The following SDK1 variants were observed in gnomAD, a reference collection of about 807,000 sequenced individuals.
SDK1 encodes sidekick cell adhesion molecule 1.
SDK1 carries 157 observed loss-of-function variants against 245.5 expected under a neutral mutation model. The ratio of observed to expected loss-of-function variants is 0.64; its 90% CI spans 0.56 to 0.73. SDK1 has a LOEUF of 0.73. Ranked by LOEUF, SDK1 falls within the 30% of genes least tolerant of loss-of-function variation. The pLI, the probability that SDK1 is intolerant of heterozygous loss-of-function variation, is 0.00. For synonymous variants in SDK1, 1,647 were observed against 1,278.5 expected (o/e 1.29, Z -6.15); for missense variants, 3,583 against 3,002.3 (o/e 1.19, Z -4.52).
chr7:3,975,654 G>A (rs978963611), intron 13 of SDK1, among the ~76,000 whole-genome samples: 1 of 152,240 alleles, frequency 6.6e-6, no homozygotes, highest in African/African-American at 2.4e-5. Context: ...CTTTCCTGTA[G>A]TCCCTATTTG....
intron 2 of SDK1, among the ~76,000 whole-genome samples, chr7:3,638,017 A>C (rs1010385409): frequency 6.6e-6 from 1 of 152,274 alleles, no homozygotes; most frequent in Admixed American, 6.5e-5. Context: ...GATGTTCTAC[A>C]GAGAGAGAAT....
intron 4 of SDK1, among the ~76,000 whole-genome samples, chr7:3,677,818 T>C (rs992413393): frequency 1.3e-5 from 2 of 152,018 alleles, no homozygotes; most frequent in Admixed American, 6.6e-5. Context: ...GTGGATGGAG[T>C]AGAGAACCCA....
rs559579456 is a variant in SDK1, at chr7:3,955,429, A to C, written c.1151-3502A>C. On this transcript the variant is annotated intron_variant, in intron 7 of 44. Coordinates refer to ENST00000404826, the MANE Select transcript of SDK1 (RefSeq NM_152744.4). ...TAAATTGGGCCCACCCAGCGAATCC[A>C]AGAGAGTCTCCCTATTTTAAGGTGG... Among the ~76,000 whole-genome samples the C allele has an allele frequency of 6.6e-5, 10 of 152,298 alleles. No individual in the cohort carries two copies. In the East Asian group the frequency reaches 1.9e-3, roughly 29 times the overall value.
At chr7:3,394,922 CTA>C (rs1781855009) in intron 1 of SDK1, among the ~76,000 whole-genome samples, 1 of 151,838 alleles carries the variant, frequency 6.6e-6, no homozygotes, top group Non-Finnish European at 1.5e-5. Flanking sequence ...TTGGGGTTTT[CTA>C]TATACAGGAT....
At chr7:3,684,336 C>T (rs922547469) in intron 4 of SDK1, among the ~76,000 whole-genome samples, 11 of 152,226 alleles carry the variant, frequency 7.2e-5, no homozygotes, top group African/African-American at 2.7e-4. Context: ...CAATGGGAGT[C>T]AGCCTCCCCT....
chr7:4,078,410 T>C (rs888543911), intron 21 of SDK1, among the ~76,000 whole-genome samples: 1 of 152,188 alleles, frequency 6.6e-6, no homozygotes, highest in Non-Finnish European at 1.5e-5. Context: ...TTAAACATTT[T>C]CTATTTCAAA....
chr7:4,232,856 A>T (rs631530), intron 40 of SDK1: 95,273 of 154,916 alleles, frequency 0.61, 30,302 homozygotes, highest in African/African-American at 0.74. Context: ...TGCCTCTAAC[A>T]TCCTCTCTAT....
chr7:3,565,296 A>G (rs1385341190), intron 1 of SDK1, among the ~76,000 whole-genome samples: 1 of 152,188 alleles, frequency 6.6e-6, no homozygotes, highest in Non-Finnish European at 1.5e-5. Flanking sequence ...CTACAAAGGA[A>G]TCTGGGAAAT....
chr7:3,828,003 C>T (rs1170171772), intron 5 of SDK1, among the ~76,000 whole-genome samples: 2 of 152,134 alleles, frequency 1.3e-5, no homozygotes, highest in African/African-American at 2.4e-5. Context: ...GACAACAGGG[C>T]GCATTGCCTC....
At chr7:3,761,535 C>T (rs1250719570) in intron 4 of SDK1, among the ~76,000 whole-genome samples, 2 of 142,630 alleles carry the variant, frequency 1.4e-5, no homozygotes, top group African/African-American at 5.3e-5. Flanking sequence ...GCCTGGGCGA[C>T]AGAGTGAGAC....
chr7:4,268,561 A>C lies in SDK1; in HGVS notation c.*3177A>C. The C allele has an allele frequency of 7.6e-7, 1 of 1,322,060 alleles. No homozygotes were observed. The highest frequency in any genetic ancestry group is 1.0e-6 in the Non-Finnish European group (1 of 997,292). 81.9% of individuals were successfully genotyped at this position (1,322,060 alleles called of 1,614,324 possible). On this transcript the variant is annotated 3_prime_UTR_variant, in exon 45 of 45. Transcript: ENST00000404826. ...CCTCCACAGCCCCGGGAGGTGGCTCACTCTGTACAGGTCTTCGGAGGCCGT... is the reference window on the plus strand; with the variant it reads ...CCTCCACAGCCCCGGGAGGTGGCTCCCTCTGTACAGGTCTTCGGAGGCCGT...
chr7:4,154,725 C>T (rs563120074), intron 30 of SDK1, among the ~76,000 whole-genome samples: 1 of 152,288 alleles, frequency 6.6e-6, no homozygotes, highest in South Asian at 2.1e-4. Flanking sequence ...TACAGCAAGG[C>T]TCTGAGACAC....
chr7:3,728,207 AT>A (rs1401817942), intron 4 of SDK1, among the ~76,000 whole-genome samples: 1 of 152,218 alleles, frequency 6.6e-6, no homozygotes, highest in Non-Finnish European at 1.5e-5. Flanking sequence ...GGTAGTACTT[AT>A]CAGCTATCTC....
chr7:3,684,520 C>G (rs539910844), intron 4 of SDK1, among the ~76,000 whole-genome samples: 1 of 152,236 alleles, frequency 6.6e-6, no homozygotes, highest in Non-Finnish European at 1.5e-5. Context: ...ATGGGTAAGC[C>G]CACTAAAAAG....
At chr7:3,379,338 G>A (rs1781430071) in intron 1 of SDK1, among the ~76,000 whole-genome samples, 1 of 152,144 alleles carries the variant, frequency 6.6e-6, no homozygotes, top group African/African-American at 2.4e-5. Context: ...GCCCTGCGCT[G>A]AGGGGGCATA....
chr7:4,093,421 G>A (rs1309262172), intron 22 of SDK1, among the ~76,000 whole-genome samples: 1 of 126,824 alleles, frequency 7.9e-6, no homozygotes, highest in Non-Finnish European at 1.6e-5. Flanking sequence ...AACACTTTAG[G>A]TACAGCTAAA....
intron 41 of SDK1, among the ~76,000 whole-genome samples, chr7:4,234,013 C>T (rs1473305535): frequency 6.6e-6 from 1 of 152,212 alleles, no homozygotes; most frequent in Non-Finnish European, 1.5e-5. Flanking sequence ...GCCCCGATCC[C>T]CTGTGTTAGC....
intron 4 of SDK1, among the ~76,000 whole-genome samples, chr7:3,786,539 A>G (rs1780905596): frequency 6.6e-6 from 1 of 152,230 alleles, no homozygotes; most frequent in Admixed American, 6.5e-5. Flanking sequence ...CTCTCCATGT[A>G]CAAGAATACA....
intron 38 of SDK1, 25 bp from the exon 39 acceptor site, chr7:4,220,084 T>C: frequency 1.9e-6 from 3 of 1,608,886 alleles, no homozygotes; most frequent in Non-Finnish European, 2.6e-6. Flanking sequence ...AACCCCCTTG[T>C]TTCCTTTGCT....
Sources: allele counts gnomAD v4.1 joint callset (sites outside exome capture counted in the v4.1 genomes callset), GRCh38; gene constraint gnomAD v4.1.1; transcripts MANE v1.5; gene names NCBI Gene and HGNC (gene_info 2026-07-23, HGNC 2026-07-21).